KHDRBS1: variants seen among roughly 807,000 people sequenced by gnomAD.
KHDRBS1 encodes the protein KH domain-containing, RNA-binding, signal transduction-associated protein 1.
In KHDRBS1, 7 loss-of-function variants were observed where a neutral mutation model predicts 48.4. The observed-to-expected ratio is 0.14, with a 90% CI of 0.08 to 0.27. The LOEUF is 0.27. Ranked by LOEUF, KHDRBS1 falls within the 10% of genes least tolerant of loss-of-function variation. KHDRBS1 has a pLI of 1.00. For missense variants in KHDRBS1, 458 were observed against 601.2 expected (o/e 0.76, Z 2.49); for synonymous variants, 241 against 235.8 (o/e 1.02, Z -0.20).
chr1:32,055,334 G>C (rs1639469445), intron 10 of KHDRBS1, among the ~76,000 whole-genome samples: 1 of 152,084 alleles, frequency 6.6e-6, no homozygotes, highest in Non-Finnish European at 1.5e-5. Context: ...TGTAATCCCA[G>C]CTACTTGGGA....
At position 32,036,981 on chromosome 1, in the gene KHDRBS1, T is replaced by C. The variant is rs1639196089; in HGVS notation, c.843T>C (p.Ser281=). 1 of 1,614,026 alleles carries C rather than the reference T, an allele frequency of 6.2e-7. No individual in the cohort carries two copies. The highest frequency in any genetic ancestry group is 8.5e-7 in the Non-Finnish European group (1 of 1,180,022). ...ACTTGAATGGAGTACCTGAACCCTC[T>C]CGTGGACGTGGGGTGCCAGTGAGAG... is the stretch of plus-strand genomic sequence containing the variant. ...LSYLNGVPEP[S]RGRGVPVRGR... Residue 281 remains serine, a synonymous_variant, in exon 5 of 9, where the codon TCT becomes TCC. Coordinates refer to ENST00000327300, the MANE Select transcript of KHDRBS1 (RefSeq NM_006559.3).
At chr1:32,057,175 T>C (rs980860922) in intron 10 of KHDRBS1, among the ~76,000 whole-genome samples, 1 of 152,154 alleles carries the variant, frequency 6.6e-6, no homozygotes, top group South Asian at 2.1e-4. Context: ...GGTACGAATC[T>C]GGACCTTTTT....
intron 10 of KHDRBS1, chr1:32,054,473 A>G (rs1639457991): frequency 6.6e-6 from 1 of 152,058 alleles, no homozygotes; most frequent in African/African-American, 2.4e-5. Context: ...GGACTTACCT[A>G]TGTTAAGGGA....
chr1:32,051,559 A>G (rs1557900976), intron 10 of KHDRBS1, among the ~76,000 whole-genome samples: 1 of 152,196 alleles, frequency 6.6e-6, no homozygotes, highest in Non-Finnish European at 1.5e-5. Context: ...ATGCCTGGTC[A>G]TAGGTGGTTT....
chr1:32,029,433 G>A (rs1193963858), intron 1 of KHDRBS1, among the ~76,000 whole-genome samples: 1 of 152,262 alleles, frequency 6.6e-6, no homozygotes, highest in Non-Finnish European at 1.5e-5. Flanking sequence ...TGAGGCAGGC[G>A]GATCACCTGA....
chr1:32,016,887 T>C (rs947499739), intron 1 of KHDRBS1, among the ~76,000 whole-genome samples: 1 of 152,190 alleles, frequency 6.6e-6, no homozygotes, highest in Non-Finnish European at 1.5e-5. Context: ...CCTTGAAGAG[T>C]GCTGCACAGA....
At position 32,058,873 on chromosome 1, in the gene KHDRBS1, G is replaced by A. The variant is rs192599495; in HGVS notation, n.1302-1290G>A. ...GAAGTCAATGAATTCAAGAACTTTT[G>A]TCAGGCACAGTGGCTCATGCCTGTA... On this transcript the variant is annotated intron_variant and non_coding_transcript_variant, in intron 10 of 10. Transcript: ENST00000484270. 1.7e-4 allele frequency among the ~76,000 whole-genome samples: 26 copies of A among 152,262 alleles called. 1 individual carries two copies. In the East Asian group the frequency reaches 2.7e-3, roughly 16 times the overall value.
At chr1:32,020,780 A>G (rs1638842526) in intron 1 of KHDRBS1, among the ~76,000 whole-genome samples, 1 of 152,216 alleles carries the variant, frequency 6.6e-6, no homozygotes, top group South Asian at 2.1e-4. Flanking sequence ...AGACTATATT[A>G]GTGGTTGCCA....
Position 32,014,168 on chromosome 1 carries a change from C to T in KHDRBS1, c.173C>T (p.Ser58Leu), listed in dbSNP as rs1411845856. ...GGGSRGGARASPATQPPPLLP... is the reference protein window; with the variant it reads ...GGGSRGGARALPATQPPPLLP... ...GGATCCCGCGGGGGCGCCCGGGCCT[C>T]GCCCGCCACGCAGCCGCCACCGCTG... Residue 58 changes from serine (S) to leucine (L), a missense_variant, in exon 1 of 9, where the codon TCG (serine) becomes TTG (leucine). Physicochemically the swap from Ser to Leu is moderately radical, Grantham distance 145. Around this residue, in one of 3 missense-constraint regions of KHDRBS1, gnomAD observed 213 missense variants for 215.6 expected, o/e 0.99. Coordinates refer to ENST00000327300, the MANE Select transcript of KHDRBS1 (RefSeq NM_006559.3). The T allele has an allele frequency of 3.1e-6, 4 of 1,306,984 alleles. No individual in the cohort carries two copies. Among genetic ancestry groups the T allele is most frequent in the South Asian group, 2.4e-5 (1 of 40,820 alleles). The allele number at this position is 1,306,984 out of a possible 1,614,324, so 81.0% of individuals were successfully genotyped here.
At chr1:32,055,835 G>C (rs532063843) in intron 10 of KHDRBS1, among the ~76,000 whole-genome samples, 2 of 152,064 alleles carry the variant, frequency 1.3e-5, no homozygotes, top group Non-Finnish European at 2.9e-5. Context: ...GAAGTAATGG[G>C]GAAGAATGTT....
chr1:32,036,331 G>A (rs1288686463), intron 4 of KHDRBS1, among the ~76,000 whole-genome samples: 1 of 151,806 alleles, frequency 6.6e-6, no homozygotes, highest in Non-Finnish European at 1.5e-5. Flanking sequence ...GCCGCGCCCG[G>A]CTAATTTTTT....
chr1:32,018,248 CAGGAGTT>C (rs1638782947), intron 1 of KHDRBS1, among the ~76,000 whole-genome samples: 1 of 151,428 alleles, frequency 6.6e-6, no homozygotes, highest in Admixed American at 6.6e-5. Flanking sequence ...AGCACGAGGT[CAGGAGTT>C]CGAGACCAGC....
At chr1:32,047,890 ACT>A (rs1251316169), downstream of KHDRBS1, among the ~76,000 whole-genome samples, 3 of 151,608 alleles carry the variant, frequency 2.0e-5, no homozygotes, top group Non-Finnish European at 4.4e-5. Context: ...GGCAGCCACT[ACT>A]CTTTCTGTGG....
At chr1:32,020,619 A>T (rs1487102299) in intron 1 of KHDRBS1, among the ~76,000 whole-genome samples, 55 of 149,660 alleles carry the variant, frequency 3.7e-4, no homozygotes, top group Admixed American at 2.7e-3. Context: ...TGTGCAATAA[A>T]AAAAAAAAAA....
At chr1:32,039,653 C>CAGGAGTTCG in intron 8 of KHDRBS1, 80 bp downstream of exon 8, 1 of 798,058 alleles carries the variant, frequency 1.3e-6, no homozygotes, top group Non-Finnish European at 2.3e-6. Context: ...TATTGAGAGT[C>CAGGAGTTCG]AGACAAACAC....
At chr1:32,026,785 A>T (rs945795140) in intron 1 of KHDRBS1, among the ~76,000 whole-genome samples, 1 of 152,142 alleles carries the variant, frequency 6.6e-6, no homozygotes, top group Admixed American at 6.5e-5. Context: ...TGAAGTATCT[A>T]ATTTGTTCCA....
intron 1 of KHDRBS1, among the ~76,000 whole-genome samples, chr1:32,019,474 C>T (rs965678537): frequency 2.6e-5 from 4 of 151,532 alleles, no homozygotes; most frequent in East Asian, 1.9e-4. Context: ...TGCTGAAACC[C>T]GGGAGACAGA....
chr1:32,014,115 G>A lies in KHDRBS1; in HGVS notation c.120G>A (p.Leu40=). The change falls in exon 1 of 9, where the codon CTG becomes CTA. Residue 40 remains leucine, a synonymous_variant. Transcript: ENST00000327300. ...AGACGCCGTCTCGGCAGCCGCCGCT[G>A]CCTCACCGGTCCCGGGGAGGCGGAG... ...VRQTPSRQPP[L]PHRSRGGGGG... is the part of the protein sequence containing the mutation. 2 of 1,423,728 alleles carry A rather than the reference G, an allele frequency of 1.4e-6. No homozygotes were observed. Among genetic ancestry groups the A allele is most frequent in the Non-Finnish European group, 1.8e-6 (2 of 1,090,018 alleles). The allele number at this position is 1,423,728 out of a possible 1,614,324, so 88.2% of individuals were successfully genotyped here. A position where few individuals can be genotyped will look rare whatever the true frequency, so the allele number is the denominator to read the frequency against.
exon 11 of KHDRBS1, chr1:32,060,219 G>A (rs550445606): frequency 6.6e-6 from 1 of 152,376 alleles, no homozygotes; most frequent in Non-Finnish European, 1.5e-5. Context: ...GCTGGCCTGA[G>A]GGCATTTGCT....
Sources: allele counts gnomAD v4.1 joint callset (sites outside exome capture counted in the v4.1 genomes callset), GRCh38; gene constraint gnomAD v4.1.1; regional missense constraint gnomAD v4.1.1; transcripts MANE v1.5; gene names NCBI Gene and HGNC (gene_info 2026-07-23, HGNC 2026-07-21).